The following KDSR variants were observed in gnomAD, a reference collection of about 807,000 sequenced individuals.
KDSR encodes the protein 3-ketodihydrosphingosine reductase.
In KDSR, 23 loss-of-function variants were observed where a neutral mutation model predicts 41.3. The ratio of observed to expected loss-of-function variants is 0.56; its 90% CI spans 0.40 to 0.79. KDSR has a LOEUF of 0.79. Among genes scored for constraint, KDSR ranks in the 30% least tolerant of loss-of-function variants. The probability of loss-of-function intolerance (pLI) is 0.00; values close to 1 mark genes in which losing one functional copy is unlikely to be tolerated. For missense variants in KDSR, 351 were observed against 416.8 expected, an observed-to-expected ratio of 0.84 and a Z score of 1.37; for synonymous variants, 138 against 151.7, an observed-to-expected ratio of 0.91 and a Z score of 0.66.
intron 6 of KDSR, among the ~76,000 whole-genome samples, chr18:63,349,667 C>T (rs1369851573): frequency 2.0e-5 from 3 of 152,262 alleles, no homozygotes; most frequent in Admixed American, 6.5e-5. Context: ...TGTACTGCAA[C>T]GCTCGTCCCA....
At chr18:63,351,940 C>T (rs1276557824) in intron 5 of KDSR, among the ~76,000 whole-genome samples, 1 of 152,032 alleles carries the variant, frequency 6.6e-6, no homozygotes, top group East Asian at 1.9e-4. Flanking sequence ...CATGCCACCA[C>T]GTCCAGCTAA....
In KDSR at chr18:63,355,489, ACC is replaced by A. The variant is rs1231449307; in HGVS notation, c.321+7_321+8del. 1 of 1,613,252 alleles carries A rather than the reference ACC, an allele frequency of 6.2e-7. No homozygotes were observed. Among genetic ancestry groups the A allele is most frequent in the Non-Finnish European group, 8.5e-7 (1 of 1,179,810 alleles). On this transcript the variant is annotated splice_region_variant and intron_variant, in intron 4 of 9. Transcript: ENST00000645214. ...ACATTGGTGAATTCCAATTAGCCCA[ACC>A]TCTTACTTGTTTTATGACATTCTCT...
At chr18:63,342,677 G>T (rs1914376528) in intron 7 of KDSR, among the ~76,000 whole-genome samples, 1 of 151,670 alleles carries the variant, frequency 6.6e-6, no homozygotes, top group Non-Finnish European at 1.5e-5. Flanking sequence ...GAGTACACAG[G>T]GAATGGGGAA....
At chr18:63,359,544 T>A (rs191778479) in intron 3 of KDSR, 192 bp downstream of exon 3, 47 of 457,504 alleles carry the variant, frequency 1.0e-4, no homozygotes, top group Non-Finnish European at 1.6e-4. Flanking sequence ...TAGATATGAA[T>A]GTGTGTGGGA....
At position 63,367,077 on chromosome 18, in the gene KDSR, C is replaced by A. The variant is rs1010296576; in HGVS notation, c.42G>T (p.Leu14=). ...LAAAFLVAFV[L]LLYMVSPLIS... Reference sequence around the variant, plus strand: ...TGAGCGGAGACACCATGTACAGCAGCAGCACGAAGGCCACGAGGAAGGCGG... The same window carrying A: ...TGAGCGGAGACACCATGTACAGCAGAAGCACGAAGGCCACGAGGAAGGCGG... The change falls in exon 1 of 10, where the codon CTG becomes CTT. Residue 14 remains leucine (L), a synonymous_variant. Coordinates refer to ENST00000645214, the MANE Select transcript of KDSR (RefSeq NM_002035.4). 4 of 1,336,516 alleles carry A rather than the reference C, an allele frequency of 3.0e-6. No homozygotes were observed. The highest frequency in any genetic ancestry group is 5.8e-5 in the South Asian group (2 of 34,538). The allele number at this position is 1,336,516 out of a possible 1,614,324, so 82.8% of individuals were successfully genotyped here.
At chr18:63,353,580 C>T (rs1169172526) in intron 5 of KDSR, among the ~76,000 whole-genome samples, 1 of 152,054 alleles carries the variant, frequency 6.6e-6, no homozygotes, top group African/African-American at 2.4e-5. Context: ...CTAGACACAG[C>T]CCAAATGGCC....
At chr18:63,335,387 G>A in intron 8 of KDSR, 29 bp from the exon 9 acceptor site, 1 of 1,470,810 alleles carries the variant, frequency 6.8e-7, no homozygotes, top group Non-Finnish European at 9.5e-7. Flanking sequence ...AAGAGAAAGA[G>A]GGAATCCTAG....
chr18:63,355,241 G>A lies in KDSR; in HGVS notation c.380C>T (p.Ser127Leu). 2 of 1,614,062 alleles carry A rather than the reference G, an allele frequency of 1.2e-6. No individual in the cohort carries two copies. Among genetic ancestry groups the A allele is most frequent in the Middle Eastern group, 1.6e-4 (1 of 6,062 alleles). ...AACTTCAAGATCTTCAAATTTTCCT[G>A]ACACTGCCATTCCTGCACAATTTAC... ...MLVNCAGMAV[S>L]GKFEDLEVST... Residue 127 changes from serine (S) to leucine (L), a missense_variant, in exon 5 of 10, where the codon TCA becomes TTA. Ser to Leu is a moderately radical substitution (Grantham distance 145). Coordinates refer to ENST00000645214, the MANE Select transcript of KDSR (RefSeq NM_002035.4).
intron 2 of KDSR, among the ~76,000 whole-genome samples, chr18:63,362,371 G>A (rs1010873577): frequency 6.6e-6 from 1 of 152,224 alleles, no homozygotes; most frequent in Non-Finnish European, 1.5e-5. Flanking sequence ...CATGTCCTAA[G>A]CAAATCGTAG....
Position 63,366,986 on chromosome 18 carries a change from G to C in KDSR, c.108+25C>G, listed in dbSNP as rs529711776. The C allele has an allele frequency of 5.7e-6, 7 of 1,232,272 alleles. No homozygotes were observed. The East Asian group carries it at 8.5e-5, about 15-fold the overall frequency. 76.3% of individuals were successfully genotyped at this position (1,232,272 alleles called of 1,614,324 possible). A position where few individuals can be genotyped will look rare whatever the true frequency, so the allele number is the denominator to read the frequency against. On this transcript the variant is annotated intron_variant, in intron 1 of 9. Coordinates refer to ENST00000645214, the MANE Select transcript of KDSR (RefSeq NM_002035.4). ...AAGGCCGCGCGGGCCGGTAAGTCGG[G>C]GGGCAGCAACAGGAGGCCACTCACC...
intron 7 of KDSR, among the ~76,000 whole-genome samples, chr18:63,343,971 G>A (rs76215312): frequency 0.098 from 14,928 of 152,126 alleles, 855 homozygotes; most frequent in East Asian, 0.27. Flanking sequence ...GAGGCCAGGA[G>A]TTTGACACCA....
chr18:63,358,251 T>C (rs986049387), intron 3 of KDSR, among the ~76,000 whole-genome samples: 7 of 152,080 alleles, frequency 4.6e-5, no homozygotes, highest in African/African-American at 1.7e-4. Flanking sequence ...AAGGAAGTTA[T>C]ACAAATCTAT....
Position 63,337,113 on chromosome 18 carries a change from A to ATATATAT in KDSR, c.777+1686_777+1687insATATATA, listed in dbSNP as rs1555713254. 4.0e-3 allele frequency among the ~76,000 whole-genome samples: 515 copies of ATATATAT among 127,606 alleles called. 27 individuals carry two copies. Among genetic ancestry groups the ATATATAT allele is most frequent in the Non-Finnish European group, 4.9e-3 (298 of 61,076 alleles). 83.7% of individuals were successfully genotyped at this position (127,606 alleles called of 152,430 possible). On this transcript the variant is annotated intron_variant, in intron 8 of 9. Transcript: ENST00000645214. The stretch of plus-strand genomic sequence containing the variant: ...GTGACTTTATATATATATATATGTG[A>ATATATAT]ATATATATATATATATATATATATG...
chr18:63,361,592 G>A (rs9320015), intron 2 of KDSR, among the ~76,000 whole-genome samples: 44,709 of 151,660 alleles, frequency 0.29, 7,829 homozygotes, highest in Non-Finnish European at 0.4. Flanking sequence ...CAAGGCGGGC[G>A]GATCACAAGG....
chr18:63,343,745 TA>T (rs35026156), intron 7 of KDSR, among the ~76,000 whole-genome samples: 1,524 of 143,712 alleles, frequency 0.011, 8 homozygotes, highest in Middle Eastern at 0.014. Context: ...TTCTAAATCT[TA>T]AAAAAAAAAA....
In KDSR at chr18:63,350,491, T is replaced by C. The variant is rs1299914859; in HGVS notation, c.609+397A>G. The stretch of plus-strand genomic sequence containing the variant: ...AAAAATTAGCAGCTGATTCAAGCTC[T>C]TCCCTCAAACATATACTAATTTCAC... On this transcript the variant is annotated intron_variant, in intron 6 of 9. Transcript: ENST00000645214. 5.9e-5 allele frequency among the ~76,000 whole-genome samples: 9 copies of C among 152,338 alleles called. No individual in the cohort carries two copies. In the South Asian group the frequency reaches 1.7e-3, roughly 28 times the overall value.
rs1200000796 is a variant in KDSR at position 63,362,561 on chromosome 18, TATGCCAATGGTACTAAATAA to T, written c.198+198_198+217del. On this transcript the variant is annotated intron_variant, in intron 2 of 9. Transcript: ENST00000645214. The stretch of plus-strand genomic sequence containing the variant: ...CAGTATCTATGATGATGTTGCCTAA[TATGCCAATGGTACTAAATAA>T]ATACTTGTGGGGCCGACCTGATTTC... Among the ~76,000 whole-genome samples, 3 of 152,328 alleles carry T rather than the reference TATGCCAATGGTACTAAATAA, an allele frequency of 2.0e-5. No individual in the cohort carries two copies. In the East Asian group the frequency reaches 5.8e-4, roughly 29 times the overall value.
chr18:63,350,426 G>A (rs1191303958), intron 6 of KDSR, among the ~76,000 whole-genome samples: 1 of 152,158 alleles, frequency 6.6e-6, no homozygotes, highest in Non-Finnish European at 1.5e-5. Context: ...TTTTACAGAT[G>A]AGGAAACTGA....
intron 2 of KDSR, among the ~76,000 whole-genome samples, chr18:63,361,209 CAAAAA>C (rs71162630): frequency 3.2e-4 from 5 of 15,512 alleles, no homozygotes; most frequent in African/African-American, 6.7e-4. Flanking sequence ...AACTCCGTCT[CAAAAA>C]AAAAAAAAAA....
Sources: gnomAD v4.1 joint callset for allele counts (sites outside exome capture counted in the v4.1 genomes callset) on GRCh38, gnomAD v4.1.1 for gene constraint, MANE v1.5 for transcripts, NCBI Gene and HGNC (gene_info 2026-07-23, HGNC 2026-07-21) for gene names.